The following FAM120C variants were observed in gnomAD, a reference collection of about 807,000 sequenced individuals.
The protein encoded by FAM120C is family with sequence similarity 120 member C.
A neutral mutation model predicts 71.2 loss-of-function variants in FAM120C; 14 were observed. The observed-to-expected ratio is 0.20, with a 90% CI of 0.13 to 0.31. The LOEUF is 0.31. Among genes scored for constraint, FAM120C ranks in the 10% least tolerant of loss-of-function variants. The pLI is 1.00. For missense variants in FAM120C, 500 were observed against 879.0 expected (o/e 0.57, Z 5.45); for synonymous variants, 354 against 353.2 (o/e 1.00, Z -0.03).
intron 4 of FAM120C, among the ~76,000 whole-genome samples, chrX:54,144,486 T>C (rs1243852995): frequency 8.9e-6 from 1 of 111,866 alleles, no homozygotes; most frequent in Non-Finnish European, 1.9e-5. Flanking sequence ...ACAAAATCAA[T>C]GTGCAAAAAT....
chrX:54,085,555 C>A (rs1396481203), intron 13 of FAM120C, among the ~76,000 whole-genome samples, 160 bp downstream of exon 13: 2 of 109,827 alleles, frequency 1.8e-5, no homozygotes, highest in Admixed American at 9.8e-5. Flanking sequence ...CTATTGCACT[C>A]CAGCCTGGGC....
At chrX:54,076,605 A>G (rs1423714080) in intron 15 of FAM120C, among the ~76,000 whole-genome samples, 2 of 111,484 alleles carry the variant, frequency 1.8e-5, no homozygotes. Flanking sequence ...TAGAGCAGAT[A>G]ATAGTGTCCG....
intron 9 of FAM120C, among the ~76,000 whole-genome samples, chrX:54,117,529 T>C (rs782027718): frequency 9.9e-6 from 1 of 101,215 alleles, no homozygotes; most frequent in Admixed American, 1.1e-4. Context: ...ACCCTGTTTC[T>C]ACCAAAAAAA....
At chrX:54,088,591 C>CAAAAAAA (rs1230524883) in intron 11 of FAM120C, among the ~76,000 whole-genome samples, 3 of 32,857 alleles carry the variant, frequency 9.1e-5, no homozygotes, top group African/African-American at 1.6e-4. Flanking sequence ...GACTCCATCT[C>CAAAAAAA]AAAAAAAAAA....
intron 11 of FAM120C, among the ~76,000 whole-genome samples, chrX:54,090,174 C>T (rs1557122475): frequency 9.2e-6 from 1 of 109,002 alleles, no homozygotes; most frequent in African/African-American, 3.3e-5. Flanking sequence ...TGGTAATGAG[C>T]GAGTTTTCAC....
intron 4 of FAM120C, among the ~76,000 whole-genome samples, chrX:54,149,356 G>A (rs2067173244): frequency 9.0e-6 from 1 of 111,609 alleles, no homozygotes; most frequent in Admixed American, 9.6e-5. Flanking sequence ...TCACATACTG[G>A]GCCGGACGCG....
At chrX:54,153,223 GA>G (rs1265411782) in intron 3 of FAM120C, among the ~76,000 whole-genome samples, 1 of 110,794 alleles carries the variant, frequency 9.0e-6, no homozygotes, top group African/African-American at 3.3e-5. Flanking sequence ...TGAAATTTTA[GA>G]AAACCTTCAG....
intron 6 of FAM120C, 29 bp downstream of exon 6, chrX:54,135,499 C>CTATCTCAGGCTTCT (rs1557130390): frequency 4.3e-6 from 5 of 1,169,765 alleles, no homozygotes; most frequent in Non-Finnish European, 5.8e-6. Context: ...GAGTCTAATG[C>CTATCTCAGGCTTCT]TATCTCAGGC....
chrX:54,174,797 T>C (rs1475816380), intron 1 of FAM120C, among the ~76,000 whole-genome samples: 3 of 111,978 alleles, frequency 2.7e-5, no homozygotes, highest in East Asian at 2.8e-4. Flanking sequence ...CAAAAATACA[T>C]GCATGGGCCA....
intron 10 of FAM120C, among the ~76,000 whole-genome samples, chrX:54,099,213 G>A (rs1333367169): frequency 9.1e-6 from 1 of 109,528 alleles, no homozygotes; most frequent in African/African-American, 3.3e-5. Flanking sequence ...GTGGGGTCTT[G>A]CTATGTTGCC....
Position 54,069,948 on chromosome X carries a change from C to T in FAM120C, c.*3085G>A, listed in dbSNP as rs1165812587. 9.0e-6 allele frequency: 1 copy of T among 111,458 alleles called. No homozygotes were observed. The highest frequency in any genetic ancestry group is 1.9e-5 in the Non-Finnish European group (1 of 53,102). 9.2% of individuals were successfully genotyped at this position (111,458 alleles called of 1,213,427 possible). ...ACACAACCAGTGTTTTGCTTATGGT[C>T]CTACAATGTAAAGGGGTCATTTCTG... On this transcript the variant is annotated 3_prime_UTR_variant, in exon 16 of 16. Coordinates refer to ENST00000375180, the MANE Select transcript of FAM120C (RefSeq NM_017848.6).
At chrX:54,089,873 C>T (rs931089669) in intron 11 of FAM120C, among the ~76,000 whole-genome samples, 1 of 109,420 alleles carries the variant, frequency 9.1e-6, no homozygotes. Flanking sequence ...ACAGGAGAAC[C>T]GCTTGAACCT....
intron 10 of FAM120C, among the ~76,000 whole-genome samples, chrX:54,100,656 A>C (rs1286057302): frequency 8.9e-6 from 1 of 111,848 alleles, no homozygotes; most frequent in Non-Finnish European, 1.9e-5. Flanking sequence ...ACTCTGTCTT[A>C]AAACAAACAA....
rs1557119822 is a variant in FAM120C, at chrX:54,068,826, GAA to G, written c.*4205_*4206del. On this transcript the variant is annotated 3_prime_UTR_variant, in exon 16 of 16. Transcript: ENST00000375180. ...GAATAGAATAGAATAGAATAGAATA[GAA>G]TAGAATAGAATAGAATAGAAGGTAG... 21 of 108,874 alleles carry G rather than the reference GAA, an allele frequency of 1.9e-4. No homozygotes were observed. The highest frequency in any genetic ancestry group is 7.1e-4 in the African/African-American group (21 of 29,371). The allele number at this position is 108,874 out of a possible 1,213,427, so 9.0% of individuals were successfully genotyped here.
intron 9 of FAM120C, among the ~76,000 whole-genome samples, chrX:54,118,466 G>A (rs1010979194): frequency 9.1e-6 from 1 of 109,722 alleles, no homozygotes; most frequent in African/African-American, 3.3e-5. Flanking sequence ...TAATATAAAT[G>A]CCCAAGAGTG....
intron 1 of FAM120C, among the ~76,000 whole-genome samples, chrX:54,173,582 A>G (rs2067300454): frequency 8.9e-6 from 1 of 112,498 alleles, no homozygotes; most frequent in African/African-American, 3.2e-5. Flanking sequence ...TTTACTTTTA[A>G]ATGGTATCTT....
rs1200374866 is a variant in FAM120C at position 54,080,946 on chromosome X, G to A, written c.2978+376C>T. 2.7e-5 allele frequency among the ~76,000 whole-genome samples: 3 copies of A among 109,898 alleles called. No homozygotes were observed. The Admixed American group carries it at 2.9e-4, about 11-fold the overall frequency. ...GCACTTTGGAAAGCCAAGACGGGAGGATTGTTTGAGCCCAGGAGTTTGAGC... is the reference window on the plus strand; with the variant it reads ...GCACTTTGGAAAGCCAAGACGGGAGAATTGTTTGAGCCCAGGAGTTTGAGC... On this transcript the variant is annotated intron_variant, in intron 14 of 15. Coordinates refer to ENST00000375180, the MANE Select transcript of FAM120C (RefSeq NM_017848.6).
intron 12 of FAM120C, among the ~76,000 whole-genome samples, chrX:54,087,305 C>T (rs2066799660): frequency 7.0e-5 from 1 of 14,309 alleles, no homozygotes; most frequent in African/African-American, 2.4e-4. Flanking sequence ...GAGCAAGACT[C>T]CGTCTAAAAA....
chrX:54,157,549 C>T (rs1265094835), intron 3 of FAM120C, 140 bp downstream of exon 3: 2 of 470,090 alleles, frequency 4.3e-6, no homozygotes, highest in Non-Finnish European at 7.3e-6. Flanking sequence ...GTCACCACCG[C>T]ACCTGGCCAT....
Sources: gnomAD v4.1 joint callset for allele counts (sites outside exome capture counted in the v4.1 genomes callset) on GRCh38, gnomAD v4.1.1 for gene constraint, MANE v1.5 for transcripts, NCBI Gene and HGNC (gene_info 2026-07-23, HGNC 2026-07-21) for gene names.